CDH4: variants seen among roughly 807,000 people sequenced by gnomAD.
CDH4 encodes cadherin 4, also known as cadherin-4.
A neutral mutation model predicts 86.0 loss-of-function variants in CDH4; 33 were observed. The observed-to-expected ratio is 0.38, with a 90% CI of 0.29 to 0.51. The LOEUF is 0.51. CDH4 is among the 20% of genes least tolerant of loss of function. CDH4 has a pLI of 0.86. For missense variants in CDH4, 1,114 were observed against 1,307.4 expected, an observed-to-expected ratio of 0.85 and a Z score of 2.28; for synonymous variants, 555 against 549.4, an observed-to-expected ratio of 1.01 and a Z score of -0.14.
chr20:61,255,731 G>A (rs545945097), intron 2 of CDH4, among the ~76,000 whole-genome samples: 23 of 152,282 alleles, frequency 1.5e-4, no homozygotes, highest in Middle Eastern at 6.8e-3. Flanking sequence ...CTGCCCTACC[G>A]GTTTTGTGTC....
intron 2 of CDH4, among the ~76,000 whole-genome samples, chr20:61,515,175 C>T (rs1293392423): frequency 1.3e-5 from 2 of 152,266 alleles, no homozygotes; most frequent in Non-Finnish European, 2.9e-5. Context: ...GCTTTAACAT[C>T]TGTGGGTGGC....
rs1410541060 is a variant in CDH4 at position 61,807,460 on chromosome 20, T to C, written c.576+34278T>C. 6.6e-6 allele frequency among the ~76,000 whole-genome samples: 1 copy of C among 152,212 alleles called. No homozygotes were observed. The highest frequency in any genetic ancestry group is 1.5e-5 in the Non-Finnish European group (1 of 68,036). Reference sequence around the variant, plus strand: ...TTGAGGCTATTCAAGTTCAATGTGTTGGATTTGGAAATCTCCCTCCTCTTT... The same window carrying C: ...TTGAGGCTATTCAAGTTCAATGTGTCGGATTTGGAAATCTCCCTCCTCTTT... On this transcript the variant is annotated intron_variant, in intron 4 of 15. Transcript: ENST00000614565. This position sits in a 1 kb window ranked among gnomAD's most constrained non-coding sequence, Gnocchi z 4.5.
In CDH4 at chr20:61,911,202, GCTT is replaced by G. The variant is rs529333015; in HGVS notation, c.1374+599_1374+601del. Among the ~76,000 whole-genome samples the G allele has an allele frequency of 1.5e-4, 23 of 152,232 alleles. No homozygotes were observed. In the South Asian group the frequency reaches 4.6e-3, roughly 30 times the overall value. On this transcript the variant is annotated intron_variant, in intron 9 of 15. Transcript: ENST00000614565. ...CTGTAGATTTTGTCTTTTTGGTCGTGCTTCTTTTTGTTTTGGAGAGAGATCGGT... is the reference window on the plus strand; with the variant it reads ...CTGTAGATTTTGTCTTTTTGGTCGTGCTTTTTGTTTTGGAGAGAGATCGGT...
intron 2 of CDH4, among the ~76,000 whole-genome samples, chr20:61,607,016 G>C (rs368085259): frequency 6.6e-6 from 1 of 152,228 alleles, no homozygotes; most frequent in Non-Finnish European, 1.5e-5. Context: ...GCTGCTGGCC[G>C]GTCTGTGGTG....
chr20:61,652,136 T>C (rs941501298), intron 2 of CDH4, among the ~76,000 whole-genome samples: 1 of 152,216 alleles, frequency 6.6e-6, no homozygotes, highest in South Asian at 2.1e-4. Flanking sequence ...GCGCTTTTAA[T>C]GTCACCGTCT....
In CDH4 at chr20:61,501,330, C is replaced by CG. The variant is rs1265195495; in HGVS notation, c.170-242231dup. Among the ~76,000 whole-genome samples the CG allele has an allele frequency of 6.6e-6, 1 of 152,138 alleles. No homozygotes were observed. Among genetic ancestry groups the CG allele is most frequent in the Non-Finnish European group, 1.5e-5 (1 of 68,016 alleles). On this transcript the variant is annotated intron_variant, in intron 2 of 15. Coordinates refer to ENST00000614565, the MANE Select transcript of CDH4 (RefSeq NM_001794.5). This position sits in a 1 kb window ranked among gnomAD's most constrained non-coding sequence, Gnocchi z 4.2. Reference sequence around the variant, plus strand: ...TGCCTCTGGCTTCCGTGCAGAACAGCGGTTAGAGACGGGTGGAAAGAGAGA... The same window carrying CG: ...TGCCTCTGGCTTCCGTGCAGAACAGCGGGTTAGAGACGGGTGGAAAGAGAGA...
At chr20:61,590,441 C>T (rs2086510110) in intron 2 of CDH4, among the ~76,000 whole-genome samples, 1 of 152,190 alleles carries the variant, frequency 6.6e-6, no homozygotes, top group South Asian at 2.1e-4. Flanking sequence ...CGAAGGAGGG[C>T]ACTCTCTCCC....
chr20:61,920,889 CATG>C (rs1458638724), intron 9 of CDH4, among the ~76,000 whole-genome samples: 4 of 141,598 alleles, frequency 2.8e-5, no homozygotes, highest in African/African-American at 8.0e-5. Context: ...AGTGTGGTGT[CATG>C]GTGATTGCAT....
At chr20:61,483,373 A>G (rs981390344) in intron 2 of CDH4, among the ~76,000 whole-genome samples, 2 of 152,112 alleles carry the variant, frequency 1.3e-5, no homozygotes, top group African/African-American at 2.4e-5. Context: ...CAAGCTCAAA[A>G]CCATGGGAGT....
intron 1 of CDH4, among the ~76,000 whole-genome samples, chr20:61,254,466 T>C (rs2084086200): frequency 6.6e-6 from 1 of 152,232 alleles, no homozygotes; most frequent in African/African-American, 2.4e-5. Context: ...CTCCCTGCCC[T>C]TAGTGGCTTC....
intron 2 of CDH4, among the ~76,000 whole-genome samples, chr20:61,670,077 C>T (rs1422822720): frequency 6.6e-6 from 1 of 152,204 alleles, no homozygotes; most frequent in African/African-American, 2.4e-5. Flanking sequence ...GAGGCAGATG[C>T]TGGCCAGGGC....
At chr20:61,673,474 A>C (rs1265607077) in intron 2 of CDH4, among the ~76,000 whole-genome samples, 1 of 152,228 alleles carries the variant, frequency 6.6e-6, no homozygotes, top group Non-Finnish European at 1.5e-5. Flanking sequence ...TGCTCCTAGC[A>C]AGCAAGGAGG....
In CDH4 at chr20:61,708,772, T is replaced by C. The variant is rs1479617881; in HGVS notation, c.170-34791T>C. Among the ~76,000 whole-genome samples the C allele has an allele frequency of 6.6e-6, 1 of 152,186 alleles. No homozygotes were observed. The highest frequency in any genetic ancestry group is 2.4e-5 in the African/African-American group (1 of 41,438). ...CGGAGGCCCCTTCTCTGAGTGTGCA[T>C]CATGGACGGGCATCTCCTCTGCAGG... On this transcript the variant is annotated intron_variant, in intron 2 of 15. Coordinates refer to ENST00000614565, the MANE Select transcript of CDH4 (RefSeq NM_001794.5). This position sits in a 1 kb window ranked among gnomAD's most constrained non-coding sequence, Gnocchi z 4.5.
At position 61,565,285 on chromosome 20, in the gene CDH4, GGT is replaced by G. The variant is rs1568688820; in HGVS notation, c.170-178276_170-178275del. On this transcript the variant is annotated intron_variant, in intron 2 of 15. Coordinates refer to ENST00000614565, the MANE Select transcript of CDH4 (RefSeq NM_001794.5). ...GTGGTGGTGGTCCTCTTGGTGATGG[GGT>G]GATGGTGGTGGCGGTGCTCTTGGTG... is the stretch of plus-strand genomic sequence containing the variant. Among the ~76,000 whole-genome samples the G allele has an allele frequency of 1.2e-3, 124 of 100,018 alleles. 5 individuals are homozygous for G. The highest frequency in any genetic ancestry group is 6.0e-3 in the Admixed American group (60 of 9,932). 65.6% of individuals were successfully genotyped at this position (100,018 alleles called of 152,430 possible).
chr20:61,750,240 G>T (rs560600727), intron 3 of CDH4, among the ~76,000 whole-genome samples: 1 of 152,196 alleles, frequency 6.6e-6, no homozygotes, highest in Non-Finnish European at 1.5e-5. Context: ...ATCAGACTGA[G>T]CAAAAAGAAA....
At chr20:61,346,611 G>T (rs1247335258) in intron 2 of CDH4, among the ~76,000 whole-genome samples, 1 of 152,102 alleles carries the variant, frequency 6.6e-6, no homozygotes, top group Non-Finnish European at 1.5e-5. Flanking sequence ...GGGCGTGGTG[G>T]CACGTGCCTG....
chr20:61,751,077 AT>A (rs1398559498), intron 3 of CDH4, among the ~76,000 whole-genome samples: 1 of 152,222 alleles, frequency 6.6e-6, no homozygotes, highest in Non-Finnish European at 1.5e-5. Context: ...ATTCCAGCAG[AT>A]TTTTTGTTTG....
chr20:61,492,313 G>T (rs1419206157), intron 2 of CDH4, among the ~76,000 whole-genome samples: 1 of 150,944 alleles, frequency 6.6e-6, no homozygotes, highest in African/African-American at 2.4e-5. Context: ...GATGTAGGTG[G>T]TGTTGATATT....
chr20:61,601,529 C>T (rs1297143923), intron 2 of CDH4, among the ~76,000 whole-genome samples: 5 of 152,226 alleles, frequency 3.3e-5, no homozygotes, highest in African/African-American at 1.2e-4. Flanking sequence ...CCCGGCCTAA[C>T]CCTCGGCCCT....
Sources: gnomAD v4.1 joint callset for allele counts (sites outside exome capture counted in the v4.1 genomes callset) on GRCh38, gnomAD v4.1.1 for gene constraint, Gnocchi (gnomAD v3.1) non-coding constraint, MANE v1.5 for transcripts, NCBI Gene and HGNC (gene_info 2026-07-23, HGNC 2026-07-21) for gene names.